Variants in AKAP6 observed in about 807,000 individuals in gnomAD.
AKAP6 encodes A-kinase anchor protein 6.
Under a neutral mutation model 188.5 loss-of-function variants are expected in AKAP6, and 58 were observed. The observed-to-expected ratio is 0.31, with a 90% CI of 0.25 to 0.38. The LOEUF (loss-of-function observed/expected upper bound fraction) is 0.38, where lower values mean the gene tolerates loss of function less well. Ranked by LOEUF, AKAP6 falls within the 10% of genes least tolerant of loss-of-function variation. The pLI is 1.00. For synonymous variants in AKAP6, 989 were observed against 998.6 expected (o/e 0.99, Z 0.18); for missense variants, 2,710 against 2,740.0 (o/e 0.99, Z 0.24).
Position 32,837,592 on chromosome 14 carries a change from G to A in AKAP6, c.*7787G>A, listed in dbSNP as rs1347490934. The A allele has an allele frequency of 6.6e-6, 1 of 152,172 alleles. No homozygotes were observed. The highest frequency in any genetic ancestry group is 6.5e-5 in the Admixed American group (1 of 15,280). 9.4% of individuals were successfully genotyped at this position (152,172 alleles called of 1,614,324 possible). On this transcript the variant is annotated 3_prime_UTR_variant, in exon 14 of 14. Transcript: ENST00000280979. ...TAATTCCCTCTGTGTGTGTTTGTTT[G>A]CTTGCAAATATGTTTCATTTTAAAG...
chr14:32,456,869 G>A (rs1477553164), intron 2 of AKAP6, among the ~76,000 whole-genome samples: 1 of 152,132 alleles, frequency 6.6e-6, no homozygotes, highest in Non-Finnish European at 1.5e-5. Context: ...TGCATTAGGA[G>A]AAATAATTTA....
chr14:32,806,788 T>C (rs898629948), intron 12 of AKAP6, among the ~76,000 whole-genome samples: 1 of 152,220 alleles, frequency 6.6e-6, no homozygotes. Context: ...TGGAAATCAC[T>C]GAGATCTGGG....
intron 1 of AKAP6, among the ~76,000 whole-genome samples, chr14:32,366,867 C>T (rs1887852632): frequency 6.6e-6 from 1 of 152,082 alleles, no homozygotes; most frequent in Non-Finnish European, 1.5e-5. Context: ...GAAAGACAGA[C>T]TTATGCAAGG....
chr14:32,744,001 G>T (rs1594901848), intron 11 of AKAP6, among the ~76,000 whole-genome samples: 2 of 152,032 alleles, frequency 1.3e-5, no homozygotes, highest in African/African-American at 4.8e-5. Context: ...TGTTTGTTTG[G>T]GAAAGTCTCT....
intron 2 of AKAP6, chr14:32,442,584 C>T (rs1951188): frequency 0.23 from 34,322 of 151,282 alleles, 5,161 homozygotes; most frequent in Non-Finnish European, 0.33. Context: ...AGTGGGATCA[C>T]GCCTGTGAAT....
At chr14:32,450,153 A>G (rs948375957) in intron 2 of AKAP6, among the ~76,000 whole-genome samples, 2 of 152,208 alleles carry the variant, frequency 1.3e-5, no homozygotes, top group African/African-American at 4.8e-5. Context: ...TTAGCTGTAA[A>G]TATTCACCTC....
intron 9 of AKAP6, 88 bp downstream of exon 9, chr14:32,696,198 G>A (rs561991118): frequency 1.2e-4 from 174 of 1,482,856 alleles, no homozygotes; most frequent in Middle Eastern, 1.9e-4. Flanking sequence ...ATATCTTTTC[G>A]TTCATTGTAT....
chr14:32,546,820 G>C lies in AKAP6; in HGVS notation c.2167G>C (p.Asp723His). The change falls in exon 4 of 14, where the codon GAT becomes CAT. Residue 723 changes from aspartate (D) to histidine (H), a missense_variant. Around this residue, in one of 2 missense-constraint regions of AKAP6, gnomAD observed 2,473 missense variants for 2,426.1 expected, o/e 1.02. Coordinates refer to ENST00000280979, the MANE Select transcript of AKAP6 (RefSeq NM_004274.5). ...TGGGCCCCTGAGTGACATTCTTTCT[G>C]ATGAGGAGTCCAGTATGCCTCTCGC... ...ESGPLSDILS[D>H]EESSMPLAGM... 1 of 1,614,076 alleles carries C rather than the reference G, an allele frequency of 6.2e-7. No homozygotes were observed. The highest frequency in any genetic ancestry group is 8.5e-7 in the Non-Finnish European group (1 of 1,180,010).
intron 9 of AKAP6, chr14:32,726,066 T>C (rs1420578800): frequency 2.6e-6 from 1 of 385,734 alleles, no homozygotes; most frequent in African/African-American, 2.2e-5. Context: ...ATTATTTCTG[T>C]GCAGTCATTT....
chr14:32,803,146 A>T (rs1231758002), intron 12 of AKAP6, among the ~76,000 whole-genome samples: 1 of 151,962 alleles, frequency 6.6e-6, no homozygotes, highest in Non-Finnish European at 1.5e-5. Flanking sequence ...TATTTTATGA[A>T]TTAAGAAATA....
intron 2 of AKAP6, chr14:32,474,249 C>T (rs541801701): frequency 6.6e-6 from 1 of 152,074 alleles, no homozygotes; most frequent in Non-Finnish European, 1.5e-5. Flanking sequence ...CCACATGAAG[C>T]GATTCTACTT....
intron 2 of AKAP6, among the ~76,000 whole-genome samples, chr14:32,518,608 A>G (rs540042619): frequency 6.6e-6 from 1 of 152,336 alleles, no homozygotes; most frequent in Non-Finnish European, 1.5e-5. Context: ...ATTGAAGATC[A>G]AATGTATGAA....
intron 5 of AKAP6, among the ~76,000 whole-genome samples, chr14:32,590,593 A>G (rs893841268): frequency 4.6e-5 from 7 of 152,194 alleles, no homozygotes; most frequent in Non-Finnish European, 1.0e-4. Flanking sequence ...CATGTCTACA[A>G]GTTATTTCCT....
intron 11 of AKAP6, among the ~76,000 whole-genome samples, chr14:32,764,770 T>C (rs908154902): frequency 6.6e-6 from 1 of 152,098 alleles, no homozygotes; most frequent in Non-Finnish European, 1.5e-5. Flanking sequence ...TCAATACATA[T>C]AAAGTACCTT....
chr14:32,492,413 TAC>T (rs1387700451), intron 2 of AKAP6, among the ~76,000 whole-genome samples: 5 of 149,662 alleles, frequency 3.3e-5, no homozygotes, highest in Admixed American at 6.7e-5. Context: ...TATATATATA[TAC>T]CTCACATAAC....
At chr14:32,727,938 G>A (rs566457876) in intron 9 of AKAP6, among the ~76,000 whole-genome samples, 18 of 152,256 alleles carry the variant, frequency 1.2e-4, no homozygotes, top group African/African-American at 2.6e-4. Flanking sequence ...CATCATATGC[G>A]TTATGAGATG....
At chr14:32,341,371 ATTG>A (rs1461649635) in intron 1 of AKAP6, among the ~76,000 whole-genome samples, 17 of 152,300 alleles carry the variant, frequency 1.1e-4, no homozygotes, top group Non-Finnish European at 2.4e-4. Flanking sequence ...TGGAATTTCC[ATTG>A]TTGTTGTCAA....
intron 7 of AKAP6, among the ~76,000 whole-genome samples, chr14:32,618,636 G>A (rs1240689503): frequency 6.6e-6 from 1 of 152,142 alleles, no homozygotes; most frequent in Admixed American, 6.6e-5. Context: ...TTGCAACTGT[G>A]AATTGTGCTG....
intron 8 of AKAP6, among the ~76,000 whole-genome samples, chr14:32,692,110 A>G (rs1218118930): frequency 6.6e-6 from 1 of 152,238 alleles, no homozygotes; most frequent in East Asian, 1.9e-4. Context: ...TATCAAGTCT[A>G]AATATTCTCA....
Sources: gnomAD v4.1 joint callset for allele counts (sites outside exome capture counted in the v4.1 genomes callset) on GRCh38, gnomAD v4.1.1 for gene constraint, gnomAD v4.1.1 regional missense constraint, MANE v1.5 for transcripts, NCBI Gene and HGNC (gene_info 2026-07-23, HGNC 2026-07-21) for gene names.